The following MGAT4C variants were observed in gnomAD, a reference collection of about 807,000 sequenced individuals.
MGAT4C encodes MGAT4 family member C.
MGAT4C carries 19 observed loss-of-function variants against 40.1 expected under a neutral mutation model. That is an observed-to-expected ratio of 0.47 (90% CI 0.33 to 0.70). MGAT4C has a LOEUF of 0.70. Among genes scored for constraint, MGAT4C ranks in the 30% least tolerant of loss-of-function variants. MGAT4C has a pLI of 0.02. For synonymous variants in MGAT4C, 181 were observed against 187.1 expected (o/e 0.97, Z 0.27); for missense variants, 491 against 563.2 (o/e 0.87, Z 1.30).
chr12:86,277,833 C>T (rs1367551036), intron 4 of MGAT4C, among the ~76,000 whole-genome samples: 13 of 151,982 alleles, frequency 8.6e-5, no homozygotes, highest in Non-Finnish European at 1.8e-4. Context: ...TAATATGATT[C>T]CTCCAATTTT....
chr12:86,687,502 C>G (rs978411061), intron 2 of MGAT4C, among the ~76,000 whole-genome samples: 1 of 152,206 alleles, frequency 6.6e-6, no homozygotes, highest in Non-Finnish European at 1.5e-5. Context: ...CTTAACACTG[C>G]TTTAGCTGTT....
intron 2 of MGAT4C, among the ~76,000 whole-genome samples, chr12:86,478,833 T>G (rs1235590853): frequency 6.6e-6 from 1 of 152,042 alleles, no homozygotes; most frequent in Non-Finnish European, 1.5e-5. Context: ...CTCAGATCTA[T>G]CCAACTATTA....
chr12:86,038,872 G>A lies in MGAT4C; in HGVS notation c.-7+10802C>T, dbSNP rs1200630204. On this transcript the variant is annotated intron_variant, in intron 2 of 4. Transcript: ENST00000611864. The stretch of plus-strand genomic sequence containing the variant: ...CATGTTTTTGCAGTGGCTGGTACCA[G>A]TTGATCCTTTCCATATTTAATGCTT... Among the ~76,000 whole-genome samples the A allele has an allele frequency of 6.0e-5, 9 of 150,052 alleles. 1 individual carries two copies. Among genetic ancestry groups the A allele is most frequent in the Admixed American group, 2.0e-4 (3 of 14,950 alleles).
chr12:86,642,055 G>A (rs1274944288), intron 2 of MGAT4C, among the ~76,000 whole-genome samples: 2 of 151,746 alleles, frequency 1.3e-5, no homozygotes, highest in African/African-American at 2.4e-5. Context: ...ATGCAAGAAC[G>A]AAATAGGAAT....
At chr12:86,792,931 A>C (rs1290025038) in intron 1 of MGAT4C, among the ~76,000 whole-genome samples, 1 of 152,174 alleles carries the variant, frequency 6.6e-6, no homozygotes, top group Non-Finnish European at 1.5e-5. Flanking sequence ...AAAACAAAAC[A>C]AAAGAAAACA....
At chr12:86,169,465 G>T (rs1886558744) in intron 1 of MGAT4C, among the ~76,000 whole-genome samples, 1 of 152,110 alleles carries the variant, frequency 6.6e-6, no homozygotes. Flanking sequence ...TTGAAGGACA[G>T]TTATTCATTT....
intron 1 of MGAT4C, among the ~76,000 whole-genome samples, chr12:86,248,981 CAAGAA>C (rs1952156757): frequency 1.3e-5 from 2 of 151,856 alleles, no homozygotes; most frequent in African/African-American, 2.4e-5. Flanking sequence ...AATTTTACAC[CAAGAA>C]AAGAATGACA....
chr12:86,341,406 T>C (rs1187435426), intron 3 of MGAT4C, among the ~76,000 whole-genome samples: 1 of 152,202 alleles, frequency 6.6e-6, no homozygotes, highest in Non-Finnish European at 1.5e-5. Flanking sequence ...GAGCCTTAGA[T>C]ACTTCGACTT....
chr12:86,035,612 G>A (rs1207555906), intron 2 of MGAT4C, among the ~76,000 whole-genome samples: 1 of 149,448 alleles, frequency 6.7e-6, no homozygotes, highest in Non-Finnish European at 1.5e-5. Context: ...TGGCTTTTGT[G>A]GCCATTTCTT....
intron 2 of MGAT4C, among the ~76,000 whole-genome samples, chr12:86,043,611 C>A (rs556737174): frequency 6.6e-6 from 1 of 152,266 alleles, no homozygotes; most frequent in African/African-American, 2.4e-5. Flanking sequence ...ATATTAATCT[C>A]CTTTGGCATC....
At chr12:86,353,064 T>C (rs771442840) in intron 3 of MGAT4C, among the ~76,000 whole-genome samples, 1 of 149,046 alleles carries the variant, frequency 6.7e-6, no homozygotes, top group Non-Finnish European at 1.5e-5. Context: ...AAATAAATTA[T>C]AAAAAAAAAG....
chr12:86,007,116 T>A (rs533157639), intron 2 of MGAT4C, among the ~76,000 whole-genome samples: 1 of 152,292 alleles, frequency 6.6e-6, no homozygotes, highest in African/African-American at 2.4e-5. Flanking sequence ...ATCATTATCA[T>A]AGGAAAATTA....
At chr12:86,508,140 G>C (rs1250998461) in intron 2 of MGAT4C, among the ~76,000 whole-genome samples, 1 of 152,006 alleles carries the variant, frequency 6.6e-6, no homozygotes, top group East Asian at 1.9e-4. Context: ...CATGTGCCAT[G>C]CTGGTGCGCT....
chr12:86,193,923 T>G (rs1292183990), intron 1 of MGAT4C, among the ~76,000 whole-genome samples: 2 of 152,174 alleles, frequency 1.3e-5, no homozygotes, highest in Non-Finnish European at 2.9e-5. Flanking sequence ...TTAACGCTTT[T>G]GTTTCCTTCT....
intron 1 of MGAT4C, among the ~76,000 whole-genome samples, chr12:86,210,546 T>A (rs1465332005): frequency 6.6e-6 from 1 of 152,158 alleles, no homozygotes; most frequent in Non-Finnish European, 1.5e-5. Context: ...ATTTCTTGAG[T>A]TCTAGGTCAA....
chr12:86,818,263 T>C (rs1952642158), intron 1 of MGAT4C, among the ~76,000 whole-genome samples: 1 of 151,206 alleles, frequency 6.6e-6, no homozygotes, highest in Non-Finnish European at 1.5e-5. Flanking sequence ...ACATAAAAAA[T>C]AGTCTTAAAA....
At chr12:86,269,657 G>A (rs981780034) in intron 4 of MGAT4C, among the ~76,000 whole-genome samples, 1 of 151,550 alleles carries the variant, frequency 6.6e-6, no homozygotes, top group Non-Finnish European at 1.5e-5. Context: ...CCTCAAAAAT[G>A]GCAATATCTT....
chr12:86,315,806 A>T (rs1954204087), intron 4 of MGAT4C, among the ~76,000 whole-genome samples: 1 of 152,076 alleles, frequency 6.6e-6, no homozygotes, highest in African/African-American at 2.4e-5. Context: ...TAAAATCCTC[A>T]AAAGCAATGT....
At chr12:86,238,995 A>C (rs1352525416) in intron 1 of MGAT4C, among the ~76,000 whole-genome samples, 1 of 152,026 alleles carries the variant, frequency 6.6e-6, no homozygotes, top group Non-Finnish European at 1.5e-5. Flanking sequence ...CAAACTTGGA[A>C]TTTTCTCCTT....
Sources: gnomAD v4.1 joint callset for allele counts (sites outside exome capture counted in the v4.1 genomes callset) on GRCh38, gnomAD v4.1.1 for gene constraint, MANE v1.5 for transcripts, NCBI Gene and HGNC (gene_info 2026-07-23, HGNC 2026-07-21) for gene names.